Variants in CADPS2 observed in about 807,000 individuals in gnomAD.
CADPS2 encodes the protein calcium-dependent secretion activator 2.
CADPS2 carries 93 observed loss-of-function variants against 172.5 expected under a neutral mutation model. That is an observed-to-expected ratio of 0.54 (90% CI 0.46 to 0.64). The LOEUF (loss-of-function observed/expected upper bound fraction) is 0.64. Among genes scored for constraint, CADPS2 ranks in the 30% least tolerant of loss-of-function variants. The pLI is 0.00. For synonymous variants in CADPS2, 546 were observed against 555.2 expected (o/e 0.98, Z 0.23); for missense variants, 1,420 against 1,565.9 (o/e 0.91, Z 1.57).
chr7:122,850,309 C>A lies in CADPS2; in HGVS notation c.339+35690G>T, dbSNP rs1813205576. The A allele has an allele frequency of 1.1e-5, 6 of 524,754 alleles. No homozygotes were observed. The Admixed American group carries it at 2.0e-4, about 17-fold the overall frequency. 32.5% of individuals were successfully genotyped at this position (524,754 alleles called of 1,614,324 possible). On this transcript the variant is annotated intron_variant, in intron 1 of 29. Transcript: ENST00000449022. Reference sequence around the variant, plus strand: ...GCCTCCTTTCAGGGGATGAAGACTTCTCCTCCAATGCAGACATGGACTTCT... The same window carrying A: ...GCCTCCTTTCAGGGGATGAAGACTTATCCTCCAATGCAGACATGGACTTCT...
At chr7:122,589,521 C>A (rs1312134649) in intron 6 of CADPS2, among the ~76,000 whole-genome samples, 1 of 151,696 alleles carries the variant, frequency 6.6e-6, no homozygotes, top group Non-Finnish European at 1.5e-5. Context: ...AACACAGGGC[C>A]CAAGTATATA....
intron 14 of CADPS2, among the ~76,000 whole-genome samples, chr7:122,469,946 T>C (rs563993697): frequency 6.6e-6 from 1 of 152,188 alleles, no homozygotes; most frequent in Non-Finnish European, 1.5e-5. Context: ...TCTTCTAAGA[T>C]GAGTTTTGTG....
intron 1 of CADPS2, among the ~76,000 whole-genome samples, chr7:122,808,712 T>C (rs903570182): frequency 1.3e-5 from 2 of 152,166 alleles, no homozygotes; most frequent in African/African-American, 4.8e-5. Flanking sequence ...GCCACAATAA[T>C]GTTCTGCTTC....
intron 17 of CADPS2, among the ~76,000 whole-genome samples, chr7:122,432,749 T>C (rs1404178283): frequency 6.6e-6 from 1 of 151,840 alleles, no homozygotes; most frequent in East Asian, 1.9e-4. Flanking sequence ...TTTACTCTTT[T>C]CTAGAGGGTA....
At chr7:122,460,908 T>C (rs2054357428) in intron 14 of CADPS2, among the ~76,000 whole-genome samples, 1 of 151,768 alleles carries the variant, frequency 6.6e-6, no homozygotes, top group Non-Finnish European at 1.5e-5. Flanking sequence ...AGAAATAGAG[T>C]AAGGGTTGGC....
chr7:122,386,233 A>G (rs2043652690), intron 24 of CADPS2: 1 of 1,103,170 alleles, frequency 9.1e-7, no homozygotes, highest in Admixed American at 3.2e-5. Flanking sequence ...AATAAAAAAT[A>G]TACATTTACA....
chr7:122,732,779 G>A lies in CADPS2; in HGVS notation c.453+4176C>T, dbSNP rs1353670953. The stretch of plus-strand genomic sequence containing the variant: ...AAGCCAATCCTTCAACATACATTAT[G>A]TATATAATATATATACATTATATAT... On this transcript the variant is annotated intron_variant, in intron 2 of 29. Transcript: ENST00000449022. 1.6e-4 allele frequency among the ~76,000 whole-genome samples: 22 copies of A among 136,780 alleles called. No homozygotes were observed. The Admixed American group carries it at 1.6e-3, about 10-fold the overall frequency. The allele number at this position is 136,780 out of a possible 152,430, so 89.7% of individuals were successfully genotyped here.
chr7:122,599,251 C>A (rs2072372282), intron 6 of CADPS2, among the ~76,000 whole-genome samples: 1 of 151,960 alleles, frequency 6.6e-6, no homozygotes, highest in African/African-American at 2.4e-5. Flanking sequence ...CTTGAAAATA[C>A]CATACAGCAT....
chr7:122,349,797 G>A (rs906125262), intron 27 of CADPS2, among the ~76,000 whole-genome samples: 19 of 152,246 alleles, frequency 1.2e-4, no homozygotes, highest in African/African-American at 4.3e-4. Context: ...AAACGCTCTT[G>A]CTTCCTGCTG....
chr7:122,397,608 G>A (rs887312209), intron 20 of CADPS2, among the ~76,000 whole-genome samples: 35 of 152,200 alleles, frequency 2.3e-4, no homozygotes, highest in African/African-American at 7.7e-4. Context: ...TCCTTCCTTC[G>A]TTGTCCATAT....
chr7:122,347,567 T>G (rs1173482001), intron 27 of CADPS2, among the ~76,000 whole-genome samples: 1 of 152,182 alleles, frequency 6.6e-6, no homozygotes, highest in Non-Finnish European at 1.5e-5. Context: ...TATAAATGTC[T>G]TTACTGGTCT....
chr7:122,490,687 A>T (rs1237970814), intron 10 of CADPS2, among the ~76,000 whole-genome samples: 1 of 147,890 alleles, frequency 6.8e-6, no homozygotes, highest in South Asian at 2.2e-4. Context: ...TATTGCATGT[A>T]TTTTATCTTT....
At chr7:122,456,694 C>T (rs1318025707) in intron 14 of CADPS2, among the ~76,000 whole-genome samples, 6 of 152,302 alleles carry the variant, frequency 3.9e-5, no homozygotes, top group East Asian at 1.9e-4. Flanking sequence ...CTGATCTTAA[C>T]GTCTGCCTGT....
At chr7:122,576,917 G>A (rs1190679721) in intron 7 of CADPS2, among the ~76,000 whole-genome samples, 4 of 151,710 alleles carry the variant, frequency 2.6e-5, no homozygotes, top group Non-Finnish European at 4.4e-5. Context: ...CCACCACCAC[G>A]CCTGGATAAT....
At chr7:122,584,725 C>A (rs1410079988) in intron 6 of CADPS2, among the ~76,000 whole-genome samples, 2 of 151,900 alleles carry the variant, frequency 1.3e-5, no homozygotes, top group African/African-American at 4.8e-5. Flanking sequence ...CTACAGCACC[C>A]CATAAATTTA....
chr7:122,595,470 A>G (rs2071614348), intron 6 of CADPS2, among the ~76,000 whole-genome samples: 1 of 152,086 alleles, frequency 6.6e-6, no homozygotes, highest in Non-Finnish European at 1.5e-5. Context: ...TTGGAATTGC[A>G]AAGTACTATA....
At chr7:122,804,082 C>T (rs37889) in intron 1 of CADPS2, among the ~76,000 whole-genome samples, 66,138 of 151,422 alleles carry the variant, frequency 0.44, 16,846 homozygotes, top group African/African-American at 0.72. Context: ...TCCCAGCTAC[C>T]ACACTGCTCT....
At chr7:122,370,511 T>C (rs1202735121) in intron 25 of CADPS2, among the ~76,000 whole-genome samples, 6 of 152,198 alleles carry the variant, frequency 3.9e-5, no homozygotes, top group Non-Finnish European at 1.5e-5. Flanking sequence ...CCTTTAGCAT[T>C]TTCCAGATTT....
At chr7:122,782,853 G>A (rs1793094544) in intron 1 of CADPS2, among the ~76,000 whole-genome samples, 2 of 151,908 alleles carry the variant, frequency 1.3e-5, no homozygotes, top group African/African-American at 4.8e-5. Context: ...AAGTAAATTT[G>A]CCTTTTATTT....
Sources: gnomAD v4.1 joint callset for allele counts (sites outside exome capture counted in the v4.1 genomes callset) on GRCh38, gnomAD v4.1.1 for gene constraint, MANE v1.5 for transcripts, NCBI Gene and HGNC (gene_info 2026-07-23, HGNC 2026-07-21) for gene names.